Variants in SENP2 observed in about 807,000 individuals in gnomAD.
SENP2 encodes the protein sentrin-specific protease 2.
In SENP2, 16 loss-of-function variants were observed where a neutral mutation model predicts 86.3. That is an observed-to-expected ratio of 0.19 (90% confidence interval 0.13 to 0.28). The LOEUF is 0.28. Ranked by LOEUF, SENP2 falls within the 10% of genes least tolerant of loss-of-function variation. SENP2 has a pLI of 1.00. For synonymous variants in SENP2, 222 were observed against 238.7 expected, an observed-to-expected ratio of 0.93 and a Z score of 0.64; for missense variants, 552 against 703.0, an observed-to-expected ratio of 0.79 and a Z score of 2.43.
At position 185,590,113 on chromosome 3, in the gene SENP2, G is replaced by A; in HGVS notation, c.102-1G>A. 1 of 1,495,722 alleles carries A rather than the reference G, an allele frequency of 6.7e-7. No homozygotes were observed. Among genetic ancestry groups the A allele is most frequent in the Non-Finnish European group, 9.0e-7 (1 of 1,113,404 alleles). The allele number at this position is 1,495,722 out of a possible 1,614,324, so 92.7% of individuals were successfully genotyped here. ...TATATTTTTTTCTTTCTCTTTTTCA[G>A]CACTCTGTTTTCTACAGTGGACACT... On this transcript the variant is annotated splice_acceptor_variant, in intron 1 of 16. Coordinates refer to ENST00000296257, the MANE Select transcript of SENP2 (RefSeq NM_021627.3). LOFTEE classifies it high-confidence loss of function.
intron 5 of SENP2, among the ~76,000 whole-genome samples, chr3:185,601,486 G>C (rs549567422): frequency 1.4e-4 from 22 of 152,134 alleles, no homozygotes; most frequent in African/African-American, 4.8e-4. Flanking sequence ...TACGTGGCCT[G>C]GTTAATTTTC....
intron 2 of SENP2, among the ~76,000 whole-genome samples, chr3:185,592,417 A>G (rs1722038327): frequency 6.6e-6 from 1 of 152,156 alleles, no homozygotes; most frequent in Non-Finnish European, 1.5e-5. Context: ...GGAAAAAGGC[A>G]TAGTAAAATG....
At chr3:185,616,274 C>T (rs1197485128) in intron 11 of SENP2, among the ~76,000 whole-genome samples, 3 of 148,710 alleles carry the variant, frequency 2.0e-5, no homozygotes, top group Non-Finnish European at 4.5e-5. Flanking sequence ...AGTTCGAGAC[C>T]AGCCTGGCCA....
At position 185,611,667 on chromosome 3, in the gene SENP2, A is replaced by G; in HGVS notation, c.739A>G (p.Met247Val). The G allele has an allele frequency of 6.2e-7, 1 of 1,613,170 alleles. No homozygotes were observed. Among genetic ancestry groups the G allele is most frequent in the Non-Finnish European group, 8.5e-7 (1 of 1,179,442 alleles). ...SNYHSSQRSQ[M>V]DTLKTKGWGE... is the part of the protein sequence containing the mutation. ...GTTTCTAAGTTCTCAAAGAAGTCAG[A>G]TGGACACATTAAAGACCAAAGGCTG... is the stretch of plus-strand genomic sequence containing the variant. Residue 247 changes from methionine to valine, a missense_variant, in exon 8 of 17, where the codon ATG becomes GTG. This residue lies in a region of SENP2 where 383 missense variants were observed against 427.3 expected (regional missense o/e 0.90). Transcript: ENST00000296257.
intron 5 of SENP2, among the ~76,000 whole-genome samples, chr3:185,602,414 AG>A (rs1192699230): frequency 1.2e-4 from 18 of 152,192 alleles, no homozygotes; most frequent in Non-Finnish European, 8.8e-5. Flanking sequence ...TTCACTGGCC[AG>A]ATGGGATAAT....
intron 1 of SENP2, among the ~76,000 whole-genome samples, chr3:185,588,340 C>T (rs1188616680): frequency 7.2e-5 from 11 of 151,896 alleles, no homozygotes; most frequent in African/African-American, 2.7e-4. Flanking sequence ...CCACCGCGCC[C>T]GGCCCTCGCC....
At chr3:185,610,109 T>C (rs1722634992) in intron 7 of SENP2, among the ~76,000 whole-genome samples, 1 of 150,708 alleles carries the variant, frequency 6.6e-6, no homozygotes, top group Non-Finnish European at 1.5e-5. Context: ...CCAGAAATTA[T>C]ATAATAGCAA....
At chr3:185,604,585 C>T (rs1722450430) in intron 5 of SENP2, among the ~76,000 whole-genome samples, 1 of 152,016 alleles carries the variant, frequency 6.6e-6, no homozygotes, top group Non-Finnish European at 1.5e-5. Flanking sequence ...GTTTTTTTGT[C>T]TCCATATATT....
intron 16 of SENP2, among the ~76,000 whole-genome samples, chr3:185,626,947 T>A (rs1405526740): frequency 6.6e-6 from 1 of 151,762 alleles, no homozygotes. Flanking sequence ...TGGTGGTGCA[T>A]GCCTGTAATC....
intron 15 of SENP2, among the ~76,000 whole-genome samples, chr3:185,625,296 A>G (rs1712092046): frequency 6.6e-6 from 1 of 152,050 alleles, no homozygotes; most frequent in Non-Finnish European, 1.5e-5. Flanking sequence ...TATTTTTAGT[A>G]GAGACGGAGT....
intron 14 of SENP2, among the ~76,000 whole-genome samples, chr3:185,622,888 C>T (rs1385863052): frequency 7.0e-6 from 1 of 142,482 alleles, no homozygotes; most frequent in Admixed American, 7.4e-5. Context: ...GCAGTCTCAG[C>T]TCACTGCAAC....
chr3:185,599,674 T>C (rs936662132), intron 4 of SENP2, among the ~76,000 whole-genome samples: 1 of 152,022 alleles, frequency 6.6e-6, no homozygotes, highest in African/African-American at 2.4e-5. Context: ...GATAAGGAAA[T>C]GATAAAAGCC....
In SENP2 at chr3:185,612,662, C is replaced by T. The variant is rs200720828; in HGVS notation, c.869+4C>T. ...GTTCATTGAGAAGTGAAAAGAGGTA[C>T]GTACATTCAGTTCATTCTACACTTT... is the stretch of plus-strand genomic sequence containing the variant. On this transcript the variant is annotated splice_donor_region_variant and intron_variant, in intron 9 of 16. Transcript: ENST00000296257. The T allele has an allele frequency of 3.1e-6, 5 of 1,593,102 alleles. No individual in the cohort carries two copies. The highest frequency in any genetic ancestry group is 2.2e-5 in the South Asian group (2 of 90,344).
intron 5 of SENP2, among the ~76,000 whole-genome samples, chr3:185,603,920 G>C (rs6444077): frequency 0.26 from 38,955 of 152,002 alleles, 5,127 homozygotes; most frequent in Middle Eastern, 0.32. Context: ...CCAGGAGTTT[G>C]AGACCAGCCT....
intron 11 of SENP2, among the ~76,000 whole-genome samples, chr3:185,614,973 C>CAGAT (rs1711547681): frequency 6.6e-6 from 1 of 152,134 alleles, no homozygotes; most frequent in Non-Finnish European, 1.5e-5. Flanking sequence ...TCGACACAGT[C>CAGAT]ATCTCATATC....
intron 2 of SENP2, among the ~76,000 whole-genome samples, chr3:185,591,106 C>T (rs986119299): frequency 1.7e-4 from 25 of 150,784 alleles, no homozygotes; most frequent in African/African-American, 4.4e-4. Context: ...GGGGTTTCAC[C>T]GTGTTAGCCA....
At chr3:185,616,920 C>T (rs1711633934) in intron 11 of SENP2, among the ~76,000 whole-genome samples, 1 of 152,074 alleles carries the variant, frequency 6.6e-6, no homozygotes, top group Non-Finnish European at 1.5e-5. Flanking sequence ...AATAAATTCT[C>T]TGGGTTTCAA....
intron 15 of SENP2, among the ~76,000 whole-genome samples, chr3:185,625,443 C>T (rs1170724743): frequency 2.0e-5 from 3 of 152,088 alleles, no homozygotes; most frequent in Non-Finnish European, 4.4e-5. Context: ...TAATCAACTT[C>T]ATTTCTTTGA....
chr3:185,617,411 C>T lies in SENP2; in HGVS notation c.1111-69C>T, dbSNP rs888788653. On this transcript the variant is annotated intron_variant, in intron 11 of 16. Transcript: ENST00000296257. Reference sequence around the variant, plus strand: ...CGAGATGAAAAACTTTTTTCAGTCTCGGAGTTTTCAATAACTGATAATGAA... The same window carrying T: ...CGAGATGAAAAACTTTTTTCAGTCTTGGAGTTTTCAATAACTGATAATGAA... The T allele has an allele frequency of 7.8e-6, 11 of 1,401,540 alleles. 1 individual carries two copies. The highest frequency in any genetic ancestry group is 3.1e-5 in the South Asian group (2 of 64,640). 86.8% of individuals were successfully genotyped at this position (1,401,540 alleles called of 1,614,324 possible).
Sources: allele counts gnomAD v4.1 joint callset (sites outside exome capture counted in the v4.1 genomes callset), GRCh38; gene constraint gnomAD v4.1.1; regional missense constraint gnomAD v4.1.1; transcripts MANE v1.5; gene names NCBI Gene and HGNC (gene_info 2026-07-23, HGNC 2026-07-21).